WNT7A: variants seen among roughly 807,000 people sequenced by gnomAD.
WNT7A encodes the protein protein Wnt-7a.
In WNT7A, 16 loss-of-function variants were observed where a neutral mutation model predicts 28.2. That is an observed-to-expected ratio of 0.57 (90% CI 0.38 to 0.86). The LOEUF is 0.86. Among genes scored for constraint, WNT7A ranks in the 40% least tolerant of loss-of-function variants. The probability of loss-of-function intolerance (pLI) is 0.00; values close to 1 mark genes in which losing one functional copy is unlikely to be tolerated. For synonymous variants in WNT7A, 190 were observed against 195.9 expected, an observed-to-expected ratio of 0.97 and a Z score of 0.25; for missense variants, 411 against 489.7, an observed-to-expected ratio of 0.84 and a Z score of 1.52.
Position 13,833,695 on chromosome 3 carries a change from C to T in WNT7A, c.571-14272G>A, listed in dbSNP as rs576797019. 8.5e-5 allele frequency among the ~76,000 whole-genome samples: 13 copies of T among 152,306 alleles called. No individual in the cohort carries two copies. In the East Asian group the frequency reaches 1.3e-3, roughly 16 times the overall value. On this transcript the variant is annotated intron_variant, in intron 3 of 3. Coordinates refer to ENST00000285018, the MANE Select transcript of WNT7A (RefSeq NM_004625.4). ...AGTCTAGGTTAGTGGGGACTGTGGCCTGTGACCTGGGGTGAGGCAATTGGG... is the reference window on the plus strand; with the variant it reads ...AGTCTAGGTTAGTGGGGACTGTGGCTTGTGACCTGGGGTGAGGCAATTGGG...
chr3:13,866,136 C>T (rs763641526), intron 2 of WNT7A, among the ~76,000 whole-genome samples: 2 of 152,210 alleles, frequency 1.3e-5, no homozygotes, highest in Admixed American at 1.3e-4. Context: ...GGAGTTGGGG[C>T]AGGGGGCTGC....
chr3:13,849,485 C>T (rs58674915), intron 3 of WNT7A, among the ~76,000 whole-genome samples: 3,272 of 152,300 alleles, frequency 0.021, 152 homozygotes, highest in South Asian at 0.18. Context: ...AAGCACTTGC[C>T]ATATCATTTG....
chr3:13,825,273 T>C (rs1694175283), intron 3 of WNT7A, among the ~76,000 whole-genome samples: 1 of 152,172 alleles, frequency 6.6e-6, no homozygotes, highest in Non-Finnish European at 1.5e-5. Flanking sequence ...CACAAAGCCT[T>C]CCCTGATTGT....
chr3:13,863,974 C>G (rs559771301), intron 2 of WNT7A: 1 of 152,190 alleles, frequency 6.6e-6, no homozygotes, highest in Non-Finnish European at 1.5e-5. Flanking sequence ...AGGCAGAAGC[C>G]CAGAAATGCA....
chr3:13,829,922 C>A (rs139539161), intron 3 of WNT7A, among the ~76,000 whole-genome samples: 5 of 152,198 alleles, frequency 3.3e-5, no homozygotes, highest in African/African-American at 1.2e-4. Context: ...TCTCCAACAC[C>A]CAGGTCAACT....
At chr3:13,869,296 AGAGAGG>A (rs1469424066) in intron 2 of WNT7A, among the ~76,000 whole-genome samples, 2 of 143,368 alleles carry the variant, frequency 1.4e-5, no homozygotes, top group African/African-American at 2.6e-5. Context: ...AAAGAAAGAA[AGAGAGG>A]AAGAGGGAAA....
intron 3 of WNT7A, among the ~76,000 whole-genome samples, chr3:13,839,891 C>T (rs1694429236): frequency 6.6e-6 from 1 of 152,246 alleles, no homozygotes; most frequent in Admixed American, 6.5e-5. Flanking sequence ...AACTGCCAAG[C>T]AGCCAGGAGG....
Position 13,817,306 on chromosome 3 carries a change from G to A in WNT7A, c.*1638C>T, listed in dbSNP as rs1016050603. 6.6e-6 allele frequency: 1 copy of A among 152,228 alleles called. No individual in the cohort carries two copies. The highest frequency in any genetic ancestry group is 1.5e-5 in the Non-Finnish European group (1 of 68,086). The allele number at this position is 152,228 out of a possible 1,614,324, so 9.4% of individuals were successfully genotyped here. On this transcript the variant is annotated 3_prime_UTR_variant, in exon 4 of 4. Transcript: ENST00000285018. ...AGACCTGATCTCCCAGGCACACGGAGAGAAACAGACGCTTGGGTAGCACGG... is the reference window on the plus strand; with the variant it reads ...AGACCTGATCTCCCAGGCACACGGAAAGAAACAGACGCTTGGGTAGCACGG...
intron 2 of WNT7A, among the ~76,000 whole-genome samples, chr3:13,868,721 AAAG>A (rs1694963134): frequency 6.8e-6 from 1 of 147,540 alleles, no homozygotes; most frequent in African/African-American, 2.5e-5. Context: ...AGAAAGAAAG[AAAG>A]AAAGAAAGAA....
intron 3 of WNT7A, among the ~76,000 whole-genome samples, chr3:13,837,534 G>GTGAGTGAATGAATGAATGAATGAA (rs1553573003): frequency 8.0e-6 from 1 of 124,712 alleles, no homozygotes; most frequent in Admixed American, 8.3e-5. Flanking sequence ...CATTTTCTGG[G>GTGAGTGAATGAATGAATGAATGAA]TGAGTGAATG....
At chr3:13,843,990 C>T (rs1251479030) in intron 3 of WNT7A, among the ~76,000 whole-genome samples, 1 of 152,182 alleles carries the variant, frequency 6.6e-6, no homozygotes, top group Admixed American at 6.5e-5. Context: ...AGGTGATCCA[C>T]CCACCCTTGG....
chr3:13,862,757 C>T (rs1459502237), intron 2 of WNT7A, among the ~76,000 whole-genome samples: 1 of 152,218 alleles, frequency 6.6e-6, no homozygotes, highest in South Asian at 2.1e-4. Context: ...TGTCTTTCTC[C>T]ATCCAAGGGT....
chr3:13,854,602 A>G lies in WNT7A; in HGVS notation c.500T>C (p.Val167Ala). 6.2e-7 allele frequency: 1 copy of G among 1,614,180 alleles called. No homozygotes were observed. The highest frequency in any genetic ancestry group is 8.5e-7 in the Non-Finnish European group (1 of 1,180,036). Residue 167 changes from valine (V) to alanine (A), a missense_variant, in exon 3 of 4, where the codon GTG becomes GCG. Val to Ala is a moderately conservative substitution (Grantham distance 64). Coordinates refer to ENST00000285018, the MANE Select transcript of WNT7A (RefSeq NM_004625.4). ...RYGIGFAKVF[V>A]DAREIKQNAR... is the part of the protein sequence containing the mutation. ...ATTCTGCTTGATCTCCCGGGCATCC[A>G]CAAAGACCTTGGCGAAGCCGATGCC...
At chr3:13,874,403 C>G (rs1358866714) in intron 2 of WNT7A, among the ~76,000 whole-genome samples, 1 of 152,168 alleles carries the variant, frequency 6.6e-6, no homozygotes, top group Non-Finnish European at 1.5e-5. Flanking sequence ...TCCCATAAAA[C>G]AGTTGCAAAG....
chr3:13,871,315 G>A (rs1695023360), intron 2 of WNT7A, among the ~76,000 whole-genome samples: 1 of 152,196 alleles, frequency 6.6e-6, no homozygotes, highest in African/African-American at 2.4e-5. Context: ...CCCCATGGGG[G>A]TGAGAGCACT....
chr3:13,846,178 C>T (rs572450816), intron 3 of WNT7A, among the ~76,000 whole-genome samples: 2 of 152,362 alleles, frequency 1.3e-5, no homozygotes, highest in Admixed American at 6.5e-5. Flanking sequence ...TGCACGTGTG[C>T]GTGCCTGGAT....
At chr3:13,861,732 C>G (rs1315129990) in intron 2 of WNT7A, among the ~76,000 whole-genome samples, 2 of 152,126 alleles carry the variant, frequency 1.3e-5, no homozygotes, top group Non-Finnish European at 2.9e-5. Flanking sequence ...GTGGATTCTG[C>G]CAGCCCTTCC....
intron 2 of WNT7A, among the ~76,000 whole-genome samples, chr3:13,868,494 A>AAGAC (rs1694945918): frequency 6.7e-6 from 1 of 148,772 alleles, no homozygotes; most frequent in Non-Finnish European, 1.5e-5. Context: ...GAACGAAAGA[A>AAGAC]AGAAAGAAAG....
chr3:13,819,732 A>T (rs1299492192), intron 3 of WNT7A, among the ~76,000 whole-genome samples: 2 of 152,256 alleles, frequency 1.3e-5, no homozygotes, highest in East Asian at 3.8e-4. Context: ...TTGCTCACAC[A>T]TGCACAAAGA....
Sources: allele counts gnomAD v4.1 joint callset (sites outside exome capture counted in the v4.1 genomes callset), GRCh38; gene constraint gnomAD v4.1.1; transcripts MANE v1.5; gene names NCBI Gene and HGNC (gene_info 2026-07-23, HGNC 2026-07-21).